Variants in VDR observed in about 807,000 individuals in gnomAD.
VDR encodes the protein vitamin D3 receptor.
A neutral mutation model predicts 39.7 loss-of-function variants in VDR; 19 were observed. That is an observed-to-expected ratio of 0.48 (90% CI 0.33 to 0.70). VDR has a LOEUF of 0.70. Ranked by LOEUF, VDR falls within the 30% of genes least tolerant of loss-of-function variation. The probability of loss-of-function intolerance (pLI) is 0.02; values close to 1 mark genes in which losing one functional copy is unlikely to be tolerated. For missense variants in VDR, 442 were observed against 570.5 expected (o/e 0.77, Z 2.29); for synonymous variants, 242 against 215.8 (o/e 1.12, Z -1.07).
intron 1 of VDR, among the ~76,000 whole-genome samples, chr12:47,884,286 C>A (rs1175634337): frequency 6.6e-6 from 1 of 152,212 alleles, no homozygotes; most frequent in Non-Finnish European, 1.5e-5. Flanking sequence ...ACATGCCAGG[C>A]CTGCTAAGCT....
At chr12:47,901,103 C>T (rs553685636) in intron 1 of VDR, 1 of 155,030 alleles carries the variant, frequency 6.5e-6, no homozygotes, top group Non-Finnish European at 1.5e-5. Flanking sequence ...CCACCTACCC[C>T]CCTTGCCCAC....
At chr12:47,875,266 T>C (rs1033340818) in intron 3 of VDR, among the ~76,000 whole-genome samples, 1 of 152,186 alleles carries the variant, frequency 6.6e-6, no homozygotes, top group Admixed American at 6.5e-5. Context: ...AAATACTAAA[T>C]GGTCAAATGG....
At chr12:47,865,681 G>A (rs2137167400) in intron 3 of VDR, among the ~76,000 whole-genome samples, 1 of 150,516 alleles carries the variant, frequency 6.6e-6, no homozygotes, top group Admixed American at 6.6e-5. Flanking sequence ...CCACAGTGCT[G>A]GGATTACAGG....
At chr12:47,900,430 A>G (rs1467226499) in intron 1 of VDR, among the ~76,000 whole-genome samples, 1 of 152,194 alleles carries the variant, frequency 6.6e-6, no homozygotes, top group African/African-American at 2.4e-5. Flanking sequence ...CATGCAGGTT[A>G]AGAGCATGGG....
In VDR at chr12:47,882,704, A is replaced by G; in HGVS notation, c.-13T>C. On this transcript the variant is annotated 5_prime_UTR_variant, in exon 2 of 10. Coordinates refer to ENST00000549336, the MANE Select transcript of VDR (RefSeq NM_000376.3). ...TGAGGAAACACCTACCTGAAGGAGC[A>G]GGGGGCAGGTAAGTGGAGCCCAGGG... 5 of 1,472,704 alleles carry G rather than the reference A, an allele frequency of 3.4e-6. No homozygotes were observed. The highest frequency in any genetic ancestry group is 4.5e-6 in the Non-Finnish European group (5 of 1,110,378). The allele number at this position is 1,472,704 out of a possible 1,614,324, so 91.2% of individuals were successfully genotyped here.
intron 6 of VDR, 22 bp downstream of exon 6, chr12:47,857,107 G>A: frequency 6.2e-7 from 1 of 1,613,852 alleles, no homozygotes; most frequent in Non-Finnish European, 8.5e-7. Flanking sequence ...CTTACTCTAT[G>A]GAGGACTGAA....
At chr12:47,847,599 A>C (rs1378040787) in intron 7 of VDR, among the ~76,000 whole-genome samples, 5 of 151,352 alleles carry the variant, frequency 3.3e-5, no homozygotes, top group Admixed American at 3.3e-4. Flanking sequence ...TTGTGACAGG[A>C]TCTCACTCTG....
intron 1 of VDR, among the ~76,000 whole-genome samples, chr12:47,885,169 T>C (rs1436388761): frequency 1.3e-5 from 2 of 152,092 alleles, no homozygotes; most frequent in Non-Finnish European, 2.9e-5. Context: ...GCTTTAGAAA[T>C]ACCAAACCCC....
chr12:47,869,229 G>C (rs1381811515), intron 3 of VDR, among the ~76,000 whole-genome samples: 2 of 152,190 alleles, frequency 1.3e-5, no homozygotes, highest in African/African-American at 4.8e-5. Flanking sequence ...CTGACAACAG[G>C]AATGAGGCTA....
At chr12:47,859,942 TCTTTCTTTCTTTC>T (rs1945591128) in intron 4 of VDR, among the ~76,000 whole-genome samples, 1 of 138,932 alleles carries the variant, frequency 7.2e-6, no homozygotes, top group Non-Finnish European at 1.5e-5. Flanking sequence ...TTTCTTTCTT[TCTTTCTTTCTTTC>T]TTTCTTTCTT....
At chr12:47,860,669 C>T (rs1020160567) in intron 4 of VDR, among the ~76,000 whole-genome samples, 4 of 152,182 alleles carry the variant, frequency 2.6e-5, no homozygotes, top group Non-Finnish European at 5.9e-5. Context: ...AGGCTGTCTG[C>T]CCCGCATTGC....
chr12:47,874,860 C>T (rs1302621660), intron 3 of VDR, among the ~76,000 whole-genome samples: 1 of 152,188 alleles, frequency 6.6e-6, no homozygotes, highest in Non-Finnish European at 1.5e-5. Flanking sequence ...ATATATGGAT[C>T]ATCCACTATA....
At chr12:47,850,584 G>C (rs976211331) in intron 7 of VDR, among the ~76,000 whole-genome samples, 1 of 152,096 alleles carries the variant, frequency 6.6e-6, no homozygotes, top group Non-Finnish European at 1.5e-5. Flanking sequence ...CCAAATGACT[G>C]CCCACAGCCT....
At position 47,857,529 on chromosome 12, in the gene VDR, G is replaced by T. The variant is rs137939233; in HGVS notation, c.437C>A (p.Thr146Asn). 6.2e-7 allele frequency: 1 copy of T among 1,614,228 alleles called. No homozygotes were observed. The highest frequency in any genetic ancestry group is 1.3e-5 in the African/African-American group (1 of 75,062). Reference protein sequence around the residue: ...LDAHHKTYDPTYSDFCQFRPP... With the variant: ...LDAHHKTYDPNYSDFCQFRPP... ...CCGGAACTGGCAGAAGTCGGAGTAG[G>T]TGGGGTCGTAGGTCTTATGGTGGGC... is the stretch of plus-strand genomic sequence containing the variant. Residue 146 changes from threonine (T) to asparagine (N), a missense_variant, in exon 5 of 10, where the codon ACC becomes AAC. By Grantham distance (65) the Thr-to-Asn change is moderately conservative. This residue lies in a region of VDR where 46 missense variants were observed against 82.0 expected (regional missense o/e 0.56). Transcript: ENST00000549336.
chr12:47,859,916 T>TC (rs1565615367), intron 4 of VDR, among the ~76,000 whole-genome samples: 1,537 of 38,988 alleles, frequency 0.039, 93 homozygotes, highest in African/African-American at 0.084. Context: ...CTTCCTTCCT[T>TC]CTTTCTTTTT....
intron 4 of VDR, among the ~76,000 whole-genome samples, chr12:47,862,062 G>C (rs566199629): frequency 2.2e-4 from 34 of 152,292 alleles, no homozygotes; most frequent in Admixed American, 1.9e-3. Flanking sequence ...CTATGTGCCA[G>C]GTACTTTACT....
chr12:47,863,250 G>T (rs1296513590), intron 4 of VDR, among the ~76,000 whole-genome samples: 1 of 152,204 alleles, frequency 6.6e-6, no homozygotes, highest in Non-Finnish European at 1.5e-5. Flanking sequence ...CCACCAACTT[G>T]CTTTCTGACC....
In VDR at chr12:47,843,318, T is replaced by A. The variant is rs1245587560; in HGVS notation, c.*1428A>T. ...GGAGTTGGGGCAGTCACGTTCCCAC[T>A]GACTTTAACATTCCTGGTGACTCAG... On this transcript the variant is annotated 3_prime_UTR_variant, in exon 10 of 10. Transcript: ENST00000549336. 1.3e-5 allele frequency: 2 copies of A among 152,260 alleles called. No homozygotes were observed. The highest frequency in any genetic ancestry group is 2.9e-5 in the Non-Finnish European group (2 of 68,014). The allele number at this position is 152,260 out of a possible 1,614,324, so 9.4% of individuals were successfully genotyped here. A position where few individuals can be genotyped will look rare whatever the true frequency, so the allele number is the denominator to read the frequency against.
At chr12:47,846,023 G>C (rs557801267) in intron 9 of VDR, among the ~76,000 whole-genome samples, 17 of 152,222 alleles carry the variant, frequency 1.1e-4, no homozygotes, top group African/African-American at 3.6e-4. Flanking sequence ...CCCAGTTCAC[G>C]CAAGAGCAGA....
Sources: allele counts gnomAD v4.1 joint callset (sites outside exome capture counted in the v4.1 genomes callset), GRCh38; gene constraint gnomAD v4.1.1; regional missense constraint gnomAD v4.1.1; transcripts MANE v1.5; gene names NCBI Gene and HGNC (gene_info 2026-07-23, HGNC 2026-07-21).